ASMT: variants seen among roughly 807,000 people sequenced by gnomAD.
ASMT encodes the protein acetylserotonin O-methyltransferase.
A neutral mutation model predicts 41.3 loss-of-function variants in ASMT; 53 were observed. The ratio of observed to expected loss-of-function variants is 1.28; its 90% CI spans 1.03 to 1.61. The LOEUF is 1.61. Ranked by LOEUF, ASMT falls within the 40% of genes most tolerant of loss-of-function variation. The pLI is 0.00. For missense variants in ASMT, 531 were observed against 441.3 expected (o/e 1.20, Z -1.82); for synonymous variants, 231 against 184.8 (o/e 1.25, Z -2.03).
chrX:1,621,601 A>T (rs1202305761), intron 1 of ASMT, among the ~76,000 whole-genome samples: 2 of 152,278 alleles, frequency 1.3e-5, no homozygotes, highest in East Asian at 3.9e-4. Flanking sequence ...TACAGGCGTG[A>T]GCTACCACGC....
Position 1,627,781 on chromosome X carries a change from A to T in ASMT, c.443+10A>T, listed in dbSNP as rs751659443. The T allele has an allele frequency of 6.2e-7, 1 of 1,613,032 alleles. No individual in the cohort carries two copies. Among genetic ancestry groups the T allele is most frequent in the Non-Finnish European group, 8.5e-7 (1 of 1,178,976 alleles). ...TTACGGCCATCTACAGGTAACACCC[A>T]TCACTTTGAAACCAACAACTCAGAT... is the stretch of plus-strand genomic sequence containing the variant. On this transcript the variant is annotated intron_variant, in intron 4 of 8. Transcript: ENST00000381241.
At position 1,615,173 on chromosome X, in the gene ASMT, G is replaced by A. The variant is rs373113571; in HGVS notation, c.-27G>A. On this transcript the variant is annotated 5_prime_UTR_variant, in exon 1 of 9. Coordinates refer to ENST00000381241, the MANE Select transcript of ASMT (RefSeq NM_001171038.2). ...TTGAAGCAAGCGCTCCAGAGGCTCC[G>A]GAAGCCACGGCTGGATTGGAGACAA... The A allele has an allele frequency of 1.3e-4, 201 of 1,574,450 alleles. No individual in the cohort carries two copies. In the East Asian group the frequency reaches 1.6e-3, roughly 12 times the overall value.
Position 1,623,120 on chromosome X carries a change from T to A in ASMT, c.70-19T>A. 1 of 1,612,186 alleles carries A rather than the reference T, an allele frequency of 6.2e-7. No homozygotes were observed. The highest frequency in any genetic ancestry group is 1.1e-5 in the South Asian group (1 of 90,998). On this transcript the variant is annotated intron_variant, in intron 1 of 8. Coordinates refer to ENST00000381241, the MANE Select transcript of ASMT (RefSeq NM_001171038.2). ...CAGGAGGCTGAGCCCTGACCTTTTA[T>A]TTCCGCTCCTGCTCCAAGGTTCTCT...
At chrX:1,617,679 T>G (rs1325434536) in intron 1 of ASMT, among the ~76,000 whole-genome samples, 11 of 150,490 alleles carry the variant, frequency 7.3e-5, no homozygotes, top group African/African-American at 2.7e-4. Context: ...GCAGTGGCGC[T>G]ATCTCGGCTC....
chrX:1,636,252 C>A, intron 7 of ASMT, 186 bp from the exon 8 acceptor site: 1 of 896,938 alleles, frequency 1.1e-6, no homozygotes. Flanking sequence ...CCACCGCGCC[C>A]GACCTCAGTA....
chrX:1,632,535 G>A (rs1934814643), intron 5 of ASMT, among the ~76,000 whole-genome samples, 169 bp from the exon 6 acceptor site: 1 of 151,902 alleles, frequency 6.6e-6, no homozygotes, highest in Non-Finnish European at 1.5e-5. Context: ...GGCGCCTGTA[G>A]TCCCAGCTAC....
At chrX:1,618,012 C>G (rs1444606382) in intron 1 of ASMT, among the ~76,000 whole-genome samples, 4 of 152,084 alleles carry the variant, frequency 2.6e-5, no homozygotes, top group African/African-American at 9.6e-5. Flanking sequence ...CCTCTAGGCC[C>G]CCAAGGGTTA....
At chrX:1,622,828 T>C (rs1235962820) in intron 1 of ASMT, among the ~76,000 whole-genome samples, 1 of 151,116 alleles carries the variant, frequency 6.6e-6, no homozygotes, top group Admixed American at 6.6e-5. Context: ...AGGAGAATGG[T>C]GTGAAGCCGG....
rs147347383 is a variant in ASMT, at chrX:1,626,643, T to C, written c.375-1060T>C. ...CCCATCTCACGAGACTTTATAGTTA[T>C]AGAGCATAACTCCCTAGGCCCCTTA... On this transcript the variant is annotated intron_variant, in intron 3 of 8. Coordinates refer to ENST00000381241, the MANE Select transcript of ASMT (RefSeq NM_001171038.2). Among the ~76,000 whole-genome samples, 6 of 152,316 alleles carry C rather than the reference T, an allele frequency of 3.9e-5. No homozygotes were observed. In the East Asian group the frequency reaches 1.2e-3, roughly 29 times the overall value.
chrX:1,641,381 G>GT (rs1935151749), intron 8 of ASMT, among the ~76,000 whole-genome samples: 1 of 137,986 alleles, frequency 7.2e-6, no homozygotes, highest in Admixed American at 8.0e-5. Flanking sequence ...CCATGTCCCA[G>GT]TGTCCTGTGA....
At chrX:1,623,722 C>A (rs1934420998) in intron 2 of ASMT, among the ~76,000 whole-genome samples, 1 of 152,078 alleles carries the variant, frequency 6.6e-6, no homozygotes, top group Non-Finnish European at 1.5e-5. Flanking sequence ...AGTTCGAGAC[C>A]AGCCTGGGCC....
At chrX:1,624,185 A>T in intron 2 of ASMT, 84 bp from the exon 3 acceptor site, 1 of 1,538,006 alleles carries the variant, frequency 6.5e-7, no homozygotes, top group Non-Finnish European at 9.0e-7. Context: ...TGTTGAAATC[A>T]CGATGTTGTC....
intron 1 of ASMT, among the ~76,000 whole-genome samples, chrX:1,620,258 G>T (rs1934292335): frequency 8.2e-6 from 1 of 121,884 alleles, no homozygotes; most frequent in South Asian, 3.1e-4. Flanking sequence ...TGCAACCTCC[G>T]CCTCCCGGGT....
chrX:1,627,589 C>G (rs1384963666), intron 3 of ASMT, 114 bp from the exon 4 acceptor site: 6 of 1,148,372 alleles, frequency 5.2e-6, no homozygotes, highest in Non-Finnish European at 6.6e-6. Flanking sequence ...CCATTGCACT[C>G]CAGCCTGGGC....
At chrX:1,630,212 C>A (rs1252802692) in intron 5 of ASMT, among the ~76,000 whole-genome samples, 1 of 151,892 alleles carries the variant, frequency 6.6e-6, no homozygotes, top group African/African-American at 2.4e-5. Context: ...CGGCTCACTG[C>A]AACCTTTGCC....
At chrX:1,625,264 C>A (rs1207103073) in intron 3 of ASMT, among the ~76,000 whole-genome samples, 6 of 151,660 alleles carry the variant, frequency 4.0e-5, no homozygotes, top group African/African-American at 1.5e-4. Flanking sequence ...GCCACCACAC[C>A]CGACTAATTT....
At chrX:1,634,986 T>TC (rs1210002216) in intron 7 of ASMT, among the ~76,000 whole-genome samples, 2 of 130,120 alleles carry the variant, frequency 1.5e-5, no homozygotes, top group African/African-American at 5.9e-5. Context: ...CTTTTTTTTT[T>TC]TTTTTTGAGA....
intron 1 of ASMT, among the ~76,000 whole-genome samples, chrX:1,616,702 T>C (rs142108390): frequency 0.013 from 1,947 of 151,138 alleles, 47 homozygotes; most frequent in African/African-American, 0.044. Context: ...AGACCCCCCA[T>C]TTCTACAAAT....
In ASMT at chrX:1,636,433, T is replaced by A; in HGVS notation, c.788-5T>A. On this transcript the variant is annotated splice_region_variant and splice_polypyrimidine_tract_variant and intron_variant, in intron 7 of 8. Transcript: ENST00000381241. ...TGACCTCGGTGTGCCTGCCCTGTGT[T>A]CCAGGGGATTTCTTCAAAGACCCTC... 1 of 1,613,868 alleles carries A rather than the reference T, an allele frequency of 6.2e-7. No homozygotes were observed. Among genetic ancestry groups the A allele is most frequent in the Non-Finnish European group, 8.5e-7 (1 of 1,179,846 alleles).
Sources: allele counts gnomAD v4.1 joint callset (sites outside exome capture counted in the v4.1 genomes callset), GRCh38; gene constraint gnomAD v4.1.1; transcripts MANE v1.5; gene names NCBI Gene and HGNC (gene_info 2026-07-23, HGNC 2026-07-21).